The following FSHR variants were observed in gnomAD, a reference collection of about 807,000 sequenced individuals.
The protein encoded by FSHR is follicle-stimulating hormone receptor.
In FSHR, 46 loss-of-function variants were observed where a neutral mutation model predicts 52.1. The observed-to-expected ratio is 0.88, with a 90% CI of 0.70 to 1.13. FSHR has a LOEUF of 1.13. Ranked by LOEUF, FSHR falls within the 50% of genes most tolerant of loss-of-function variation. The probability of loss-of-function intolerance (pLI) is 0.00; values close to 1 mark genes in which losing one functional copy is unlikely to be tolerated. For missense variants in FSHR, 964 were observed against 834.6 expected (o/e 1.16, Z -1.91); for synonymous variants, 399 against 309.6 (o/e 1.29, Z -3.03).
At chr2:49,034,317 C>G (rs1466713324) in intron 2 of FSHR, among the ~76,000 whole-genome samples, 1 of 152,112 alleles carries the variant, frequency 6.6e-6, no homozygotes, top group South Asian at 2.1e-4. Flanking sequence ...ATTGCCTGAC[C>G]CCCCTTCCGA....
At chr2:49,133,979 AG>A (rs1345834045) in intron 1 of FSHR, among the ~76,000 whole-genome samples, 14 of 152,236 alleles carry the variant, frequency 9.2e-5, no homozygotes, top group African/African-American at 3.1e-4. Flanking sequence ...AAGGAAACCT[AG>A]GCAATACCAT....
chr2:48,996,435 C>T (rs1676025921), intron 4 of FSHR, among the ~76,000 whole-genome samples: 1 of 152,112 alleles, frequency 6.6e-6, no homozygotes, highest in Admixed American at 6.6e-5. Flanking sequence ...ACATTTTTGT[C>T]ATGGCTTGAT....
intron 2 of FSHR, among the ~76,000 whole-genome samples, chr2:49,021,875 A>AT (rs1667725000): frequency 2.0e-5 from 1 of 51,246 alleles, no homozygotes; most frequent in Non-Finnish European, 3.8e-5. Context: ...ATATATATAT[A>AT]TATATATATA....
At chr2:49,041,499 C>A (rs375663675) in intron 2 of FSHR, among the ~76,000 whole-genome samples, 14 of 152,122 alleles carry the variant, frequency 9.2e-5, no homozygotes, top group Admixed American at 9.2e-4. Flanking sequence ...CTTCCAGATA[C>A]GTGCATATCT....
chr2:49,054,141 G>A (rs1337780644), intron 2 of FSHR, among the ~76,000 whole-genome samples: 1 of 152,186 alleles, frequency 6.6e-6, no homozygotes, highest in Non-Finnish European at 1.5e-5. Context: ...GTTTAAGCCT[G>A]TTTTCTTATC....
chr2:48,975,159 G>A (rs1341176887), intron 8 of FSHR, among the ~76,000 whole-genome samples: 1 of 152,070 alleles, frequency 6.6e-6, no homozygotes, highest in Non-Finnish European at 1.5e-5. Flanking sequence ...GAAGAGATTG[G>A]TATGTGAATC....
intron 4 of FSHR, among the ~76,000 whole-genome samples, chr2:49,007,888 T>C (rs1036522571): frequency 1.1e-4 from 16 of 152,118 alleles, no homozygotes; most frequent in Non-Finnish European, 1.9e-4. Flanking sequence ...TTTCCTTTTT[T>C]TTAAGCAGAG....
At chr2:49,007,739 A>G (rs1011896946) in intron 4 of FSHR, among the ~76,000 whole-genome samples, 1 of 152,142 alleles carries the variant, frequency 6.6e-6, no homozygotes, top group African/African-American at 2.4e-5. Flanking sequence ...CCCCATCACT[A>G]CTGTCACCAC....
chr2:48,982,580 G>T (rs1170859296), intron 8 of FSHR, among the ~76,000 whole-genome samples: 1 of 152,172 alleles, frequency 6.6e-6, no homozygotes, highest in Admixed American at 6.5e-5. Flanking sequence ...CTCCAGGGAA[G>T]CCAGTTTTTC....
intron 1 of FSHR, among the ~76,000 whole-genome samples, chr2:49,097,107 T>A (rs1670850292): frequency 2.0e-5 from 3 of 152,230 alleles, no homozygotes; most frequent in Admixed American, 2.0e-4. Flanking sequence ...ATTCACATGA[T>A]TTCTGATGAG....
intron 1 of FSHR, among the ~76,000 whole-genome samples, chr2:49,070,165 G>T (rs1291947844): frequency 6.6e-6 from 1 of 152,088 alleles, no homozygotes; most frequent in Non-Finnish European, 1.5e-5. Flanking sequence ...TGTTGTAATA[G>T]CAATAAATGC....
intron 4 of FSHR, among the ~76,000 whole-genome samples, chr2:49,001,499 G>T (rs1240804538): frequency 6.6e-6 from 1 of 152,060 alleles, no homozygotes; most frequent in Non-Finnish European, 1.5e-5. Context: ...AGACCTTCTT[G>T]GATGCTGATG....
intron 1 of FSHR, among the ~76,000 whole-genome samples, chr2:49,144,795 C>A (rs963342944): frequency 1.3e-5 from 2 of 152,100 alleles, no homozygotes; most frequent in Admixed American, 6.6e-5. Flanking sequence ...CCTGCTCAGG[C>A]TGTGATCTGA....
At chr2:49,064,365 A>G (rs1351040220) in intron 2 of FSHR, among the ~76,000 whole-genome samples, 1 of 151,920 alleles carries the variant, frequency 6.6e-6, no homozygotes, top group Admixed American at 6.6e-5. Flanking sequence ...CATCCCCATG[A>G]AGAGATTAGT....
chr2:49,082,572 A>G (rs1670216481), intron 1 of FSHR, among the ~76,000 whole-genome samples: 1 of 152,188 alleles, frequency 6.6e-6, no homozygotes, highest in South Asian at 2.1e-4. Flanking sequence ...CGTTCAAACC[A>G]AAGGCAAAGA....
intron 4 of FSHR, 114 bp downstream of exon 4, chr2:49,017,375 A>C: frequency 1.3e-6 from 1 of 776,278 alleles, no homozygotes; most frequent in Non-Finnish European, 2.2e-6. Context: ...TCTGCCCCCC[A>C]CCACCATCCT....
At chr2:48,970,762 T>G (rs1026150264) in intron 8 of FSHR, among the ~76,000 whole-genome samples, 13 of 152,184 alleles carry the variant, frequency 8.5e-5, no homozygotes, top group Admixed American at 2.0e-4. Flanking sequence ...GTTACCATCT[T>G]TCTTGTAAAT....
chr2:49,076,904 C>A (rs1225186086), intron 1 of FSHR, among the ~76,000 whole-genome samples: 1 of 152,196 alleles, frequency 6.6e-6, no homozygotes, highest in African/African-American at 2.4e-5. Context: ...ATCCAGGTCA[C>A]AGTAATGTAA....
intron 4 of FSHR, among the ~76,000 whole-genome samples, chr2:48,995,602 G>A (rs1431576396): frequency 2.0e-5 from 3 of 152,094 alleles, no homozygotes; most frequent in Non-Finnish European, 2.9e-5. Flanking sequence ...CCCCACTTAT[G>A]GGCAAGCATT....
Sources: allele counts gnomAD v4.1 joint callset (sites outside exome capture counted in the v4.1 genomes callset), GRCh38; gene constraint gnomAD v4.1.1; transcripts MANE v1.5; gene names NCBI Gene and HGNC (gene_info 2026-07-23, HGNC 2026-07-21).